DMD: variants seen among roughly 807,000 people sequenced by gnomAD.
The protein encoded by DMD is dystrophin.
A neutral mutation model predicts 330.1 loss-of-function variants in DMD; 63 were observed. The ratio of observed to expected loss-of-function variants is 0.19; its 90% CI spans 0.16 to 0.24. The LOEUF (loss-of-function observed/expected upper bound fraction) is 0.24. Among genes scored for constraint, DMD ranks in the 10% least tolerant of loss-of-function variants. The pLI, the probability that DMD is intolerant of heterozygous loss-of-function variation, is 1.00. For synonymous variants in DMD, 1,223 were observed against 959.8 expected, an observed-to-expected ratio of 1.27 and a Z score of -5.07; for missense variants, 3,344 against 2,684.1, an observed-to-expected ratio of 1.25 and a Z score of -5.43.
chrX:31,577,842 T>C (rs1356362765), intron 55 of DMD, among the ~76,000 whole-genome samples: 1 of 111,670 alleles, frequency 9.0e-6, no homozygotes, highest in East Asian at 2.8e-4. Flanking sequence ...CAGATTACTA[T>C]CAATGTGAGA....
intron 11 of DMD, among the ~76,000 whole-genome samples, chrX:32,628,274 TTTTTTTTTTTTTTTTTTTTTTA>T (rs1415818527): frequency 2.5e-4 from 16 of 64,403 alleles, no homozygotes; most frequent in East Asian, 4.3e-4. Context: ...TTTTTTTTTT[TTTTTTTTTTTTTTTTTTTTTTA>T]AGCTCTCACA....
intron 55 of DMD, among the ~76,000 whole-genome samples, chrX:31,623,856 A>G (rs58125486): frequency 0.014 from 1,539 of 111,167 alleles, 20 homozygotes; most frequent in African/African-American, 0.047. Context: ...TATGAACATC[A>G]TAAAGGTCAC....
intron 2 of DMD, among the ~76,000 whole-genome samples, chrX:32,910,181 CCTT>C (rs1455756148): frequency 8.9e-6 from 1 of 111,807 alleles, no homozygotes; most frequent in African/African-American, 3.2e-5. Flanking sequence ...CAACAAATGT[CCTT>C]CTGAACAAAA....
chrX:32,928,964 G>A (rs1385321678), intron 2 of DMD, among the ~76,000 whole-genome samples: 2 of 111,715 alleles, frequency 1.8e-5, no homozygotes, highest in Non-Finnish European at 3.8e-5. Flanking sequence ...CGTAAAGGAA[G>A]GTATGCATAG....
intron 53 of DMD, among the ~76,000 whole-genome samples, chrX:31,668,694 T>C (rs1209242041): frequency 9.0e-6 from 1 of 111,329 alleles, no homozygotes; most frequent in Non-Finnish European, 1.9e-5. Context: ...GGTTGTGTCA[T>C]AAAGTCTCAA....
rs146414215 is a variant in DMD, at chrX:32,170,277, C to T, written c.6438+46639G>A. ...TCTGAGGTCAGGAGTTCGAGACCAG[C>T]CTGACCAACATGGTGAAACCCCGTT... On this transcript the variant is annotated intron_variant, in intron 44 of 78. Coordinates refer to ENST00000357033, the MANE Select transcript of DMD (RefSeq NM_004006.3). Among the ~76,000 whole-genome samples, 394 of 109,474 alleles carry T rather than the reference C, an allele frequency of 3.6e-3. 2 individuals are homozygous for T. Among genetic ancestry groups the T allele is most frequent in the African/African-American group, 0.011 (328 of 30,112 alleles).
intron 5 of DMD, among the ~76,000 whole-genome samples, chrX:32,819,082 C>T (rs923528028): frequency 9.7e-6 from 1 of 103,004 alleles, no homozygotes; most frequent in African/African-American, 3.6e-5. Flanking sequence ...GAAGTCTACT[C>T]CCCAGAACCC....
chrX:33,252,954 A>G (rs912358364), intron 1 of DMD, among the ~76,000 whole-genome samples: 3 of 111,787 alleles, frequency 2.7e-5, no homozygotes, highest in African/African-American at 9.7e-5. Context: ...ACTTTAGCCA[A>G]TAATACTTTC....
chrX:31,525,731 A>G (rs892535872), intron 55 of DMD, among the ~76,000 whole-genome samples: 3 of 112,560 alleles, frequency 2.7e-5, no homozygotes, highest in African/African-American at 9.7e-5. Flanking sequence ...AAAGAGGCAC[A>G]TAAGTTAATC....
Position 32,855,731 on chromosome X carries a change from T to G in DMD, c.94-5911A>C, listed in dbSNP as rs192792110. Reference sequence around the variant, plus strand: ...AAACTACTACAAGAAATCATTGGGATAAAATCTCCAAGACACTGGTCTAGG... The same window carrying G: ...AAACTACTACAAGAAATCATTGGGAGAAAATCTCCAAGACACTGGTCTAGG... On this transcript the variant is annotated intron_variant, in intron 2 of 78. Coordinates refer to ENST00000357033, the MANE Select transcript of DMD (RefSeq NM_004006.3). 2.3e-3 allele frequency among the ~76,000 whole-genome samples: 258 copies of G among 112,091 alleles called. 1 individual carries two copies. The highest frequency in any genetic ancestry group is 8.1e-3 in the African/African-American group (249 of 30,871).
intron 44 of DMD, among the ~76,000 whole-genome samples, chrX:32,075,654 T>C (rs1328610705): frequency 2.7e-5 from 3 of 110,969 alleles, no homozygotes; most frequent in Admixed American, 1.9e-4. Context: ...AAAGTTTTCA[T>C]GGAAAAAAAT....
At chrX:32,888,036 A>G (rs755233094) in intron 2 of DMD, among the ~76,000 whole-genome samples, 18 of 110,888 alleles carry the variant, frequency 1.6e-4, no homozygotes, top group Non-Finnish European at 3.0e-4. Context: ...CAACCCAATT[A>G]AATATGGGCA....
chrX:32,453,704 C>T (rs538243332), intron 26 of DMD, among the ~76,000 whole-genome samples: 37 of 110,674 alleles, frequency 3.3e-4, no homozygotes, highest in Admixed American at 2.2e-3. Context: ...AGTTCACAAA[C>T]GAAGGAATTT....
At chrX:31,180,803 T>C (rs1038155455) in intron 68 of DMD, among the ~76,000 whole-genome samples, 12 of 111,688 alleles carry the variant, frequency 1.1e-4, no homozygotes, top group Non-Finnish European at 1.1e-4. Flanking sequence ...GAAAACCAAA[T>C]ACTCAAATTT....
intron 7 of DMD, among the ~76,000 whole-genome samples, chrX:32,788,584 A>T (rs189749458): frequency 8.9e-6 from 1 of 112,029 alleles, no homozygotes. Flanking sequence ...ATCTCCTTAC[A>T]ACTACACTAA....
intron 7 of DMD, among the ~76,000 whole-genome samples, chrX:32,705,305 A>T (rs1477260785): frequency 8.9e-6 from 1 of 112,248 alleles, no homozygotes; most frequent in Non-Finnish European, 1.9e-5. Context: ...AATGCTTCTC[A>T]TTAAAGGACG....
Position 31,479,051 on chromosome X carries a change from T to C in DMD, c.8600A>G (p.Glu2867Gly). 3.3e-6 allele frequency: 4 copies of C among 1,208,101 alleles called. No individual in the cohort carries two copies. Among genetic ancestry groups the C allele is most frequent in the Non-Finnish European group, 4.5e-6 (4 of 892,409 alleles). ...CTCTGTCAGAAATATTCGTACAGTCTCAAGAGTACTCATGATTACAGGTTC... is the reference window on the plus strand; with the variant it reads ...CTCTGTCAGAAATATTCGTACAGTCCCAAGAGTACTCATGATTACAGGTTC... The part of the protein sequence containing the change: ...TKEPVIMSTL[E>G]TVRIFLTEQP... The change falls in exon 58 of 79, where the codon GAG (glutamate) becomes GGG (glycine). Residue 2867 changes from glutamate (E) to glycine (G), a missense_variant. Transcript: ENST00000357033.
intron 1 of DMD, among the ~76,000 whole-genome samples, chrX:33,037,869 A>G (rs2094230859): frequency 8.9e-6 from 1 of 112,384 alleles, no homozygotes; most frequent in African/African-American, 3.2e-5. Context: ...TATAGAAGTT[A>G]CTAATTGCAG....
chrX:33,220,920 GGGTGTAATA>G (rs2052162190), intron 1 of DMD, among the ~76,000 whole-genome samples: 1 of 111,688 alleles, frequency 9.0e-6, no homozygotes. Context: ...AAAGCACATT[GGGTGTAATA>G]GGAGTTTAGT....
Sources: allele counts gnomAD v4.1 joint callset (sites outside exome capture counted in the v4.1 genomes callset), GRCh38; gene constraint gnomAD v4.1.1; transcripts MANE v1.5; gene names NCBI Gene and HGNC (gene_info 2026-07-23, HGNC 2026-07-21).